The following PTPRD variants were observed in gnomAD, a reference collection of about 807,000 sequenced individuals.
PTPRD encodes receptor-type tyrosine-protein phosphatase delta.
A neutral mutation model predicts 214.5 loss-of-function variants in PTPRD; 34 were observed. That is an observed-to-expected ratio of 0.16 (90% CI 0.12 to 0.21). PTPRD has a LOEUF of 0.21. Among genes scored for constraint, PTPRD ranks in the 10% least tolerant of loss-of-function variants. The pLI is 1.00. For missense variants in PTPRD, 2,545 were observed against 2,398.7 expected (o/e 1.06, Z -1.27); for synonymous variants, 1,128 against 845.7 (o/e 1.33, Z -5.79).
At chr9:9,986,279 G>C (rs1447875585) in intron 4 of PTPRD, among the ~76,000 whole-genome samples, 1 of 152,004 alleles carries the variant, frequency 6.6e-6, no homozygotes, top group Non-Finnish European at 1.5e-5. Context: ...AATAGTAAAA[G>C]GTGTAAACAT....
intron 4 of PTPRD, among the ~76,000 whole-genome samples, chr9:9,988,106 T>G (rs1046905401): frequency 2.0e-5 from 3 of 152,172 alleles, no homozygotes; most frequent in Non-Finnish European, 4.4e-5. Flanking sequence ...ATAGCTAAAT[T>G]TATCATAACT....
intron 11 of PTPRD, among the ~76,000 whole-genome samples, chr9:8,965,665 A>C (rs2117104): frequency 6.6e-6 from 1 of 152,066 alleles, no homozygotes; most frequent in Non-Finnish European, 1.5e-5. Flanking sequence ...TCTATGACAA[A>C]CCCACAGTTA....
intron 14 of PTPRD, among the ~76,000 whole-genome samples, chr9:8,561,765 T>TTC (rs2086467411): frequency 6.6e-6 from 1 of 151,794 alleles, no homozygotes; most frequent in African/African-American, 2.4e-5. Flanking sequence ...TTTTTTTTTT[T>TTC]CCATTCAGGA....
At chr9:9,725,453 A>G (rs2098069714) in intron 7 of PTPRD, among the ~76,000 whole-genome samples, 1 of 151,976 alleles carries the variant, frequency 6.6e-6, no homozygotes, top group South Asian at 2.1e-4. Context: ...TTCTCAGCTT[A>G]TGTCGTTATC....
chr9:8,389,513 G>C (rs547621095), intron 36 of PTPRD, 106 bp from the exon 37 acceptor site: 4 of 787,766 alleles, frequency 5.1e-6, no homozygotes, highest in Admixed American at 5.6e-5. Context: ...CCTCACACTA[G>C]AGAAGTCACA....
At chr9:9,882,166 G>C (rs1007572255) in intron 5 of PTPRD, among the ~76,000 whole-genome samples, 2 of 151,932 alleles carry the variant, frequency 1.3e-5, no homozygotes, top group Non-Finnish European at 2.9e-5. Context: ...CAAATACATA[G>C]TTTCTCTCCT....
At chr9:9,101,660 A>G (rs1004964718) in intron 10 of PTPRD, among the ~76,000 whole-genome samples, 3 of 152,208 alleles carry the variant, frequency 2.0e-5, no homozygotes, top group African/African-American at 7.2e-5. Context: ...TTATCCACAG[A>G]CAACTTGAGG....
At chr9:10,195,034 G>C (rs902348497) in intron 3 of PTPRD, among the ~76,000 whole-genome samples, 1 of 148,660 alleles carries the variant, frequency 6.7e-6, no homozygotes, top group Non-Finnish European at 1.5e-5. Flanking sequence ...CTGGGTTCAA[G>C]CAATTCTCCT....
rs191634248 is a variant in PTPRD, at chr9:8,656,181, G to A, written c.65-19337C>T. 3.1e-4 allele frequency among the ~76,000 whole-genome samples: 47 copies of A among 152,290 alleles called. No homozygotes were observed. The East Asian group carries it at 9.1e-3, about 29-fold the overall frequency. On this transcript the variant is annotated intron_variant, in intron 12 of 45. Transcript: ENST00000381196. ...TAAAGATGCATATTCTCTGAGACCA[G>A]ATCCTGAATCAGAATGGCACAGTAA...
chr9:9,386,426 G>A (rs974407277), intron 9 of PTPRD, among the ~76,000 whole-genome samples: 1 of 152,152 alleles, frequency 6.6e-6, no homozygotes, highest in African/African-American at 2.4e-5. Context: ...AGAATGAAGA[G>A]TGAGGGTAGA....
chr9:9,326,209 C>T (rs1225658614), intron 9 of PTPRD, among the ~76,000 whole-genome samples: 1 of 151,998 alleles, frequency 6.6e-6, no homozygotes, highest in African/African-American at 2.4e-5. Context: ...TCCAGGAAGC[C>T]GTATCTTTTA....
At chr9:8,716,005 C>A (rs1262929583) in intron 12 of PTPRD, among the ~76,000 whole-genome samples, 1 of 152,250 alleles carries the variant, frequency 6.6e-6, no homozygotes, top group Non-Finnish European at 1.5e-5. Context: ...AACTACTGTT[C>A]ACCTGCTCTT....
chr9:9,291,637 A>C (rs1462391860), intron 9 of PTPRD, among the ~76,000 whole-genome samples: 1 of 151,276 alleles, frequency 6.6e-6, no homozygotes, highest in Non-Finnish European at 1.5e-5. Context: ...TATATTGCTT[A>C]TGGTTTTCAT....
chr9:9,647,449 G>C (rs1180587033), intron 7 of PTPRD, among the ~76,000 whole-genome samples: 1 of 151,786 alleles, frequency 6.6e-6, no homozygotes, highest in Non-Finnish European at 1.5e-5. Flanking sequence ...TTATCTTTAG[G>C]TGTTATTTTA....
At chr9:8,444,531 T>C (rs984666349) in intron 34 of PTPRD, among the ~76,000 whole-genome samples, 1 of 152,050 alleles carries the variant, frequency 6.6e-6, no homozygotes, top group Admixed American at 6.6e-5. Flanking sequence ...ATTTTAAATA[T>C]GTCAAATAAA....
intron 11 of PTPRD, among the ~76,000 whole-genome samples, chr9:8,825,727 A>G (rs2097162146): frequency 6.6e-6 from 1 of 152,210 alleles, no homozygotes; most frequent in South Asian, 2.1e-4. Context: ...CTGGTTGCCC[A>G]TTGTTATGGT....
At chr9:9,370,680 G>A (rs530088015) in intron 9 of PTPRD, among the ~76,000 whole-genome samples, 2 of 151,972 alleles carry the variant, frequency 1.3e-5, no homozygotes, top group African/African-American at 4.8e-5. Context: ...GGGCATCCCT[G>A]TCTTGTGCCA....
intron 37 of PTPRD, among the ~76,000 whole-genome samples, chr9:8,388,687 C>G: frequency 6.6e-6 from 1 of 152,186 alleles, no homozygotes; most frequent in African/African-American, 2.4e-5. Context: ...GAAGTTTAAA[C>G]TAGCAAAACG....
chr9:10,608,356 T>C (rs1156229675), intron 2 of PTPRD, among the ~76,000 whole-genome samples: 1 of 151,998 alleles, frequency 6.6e-6, no homozygotes, highest in Non-Finnish European at 1.5e-5. Flanking sequence ...TTAGAGAAAC[T>C]TGAGTCCACC....
Sources: allele counts gnomAD v4.1 joint callset (sites outside exome capture counted in the v4.1 genomes callset), GRCh38; gene constraint gnomAD v4.1.1; transcripts MANE v1.5; gene names NCBI Gene and HGNC (gene_info 2026-07-23, HGNC 2026-07-21).